CLIP4: variants seen among roughly 807,000 people sequenced by gnomAD.
The protein encoded by CLIP4 is CAP-Gly domain-containing linker protein 4.
CLIP4 carries 47 observed loss-of-function variants against 73.1 expected under a neutral mutation model. The ratio of observed to expected loss-of-function variants is 0.64; its 90% CI spans 0.51 to 0.82. The LOEUF is 0.82. CLIP4 is among the 40% of genes least tolerant of loss of function. The pLI is 0.00. For synonymous variants in CLIP4, 306 were observed against 295.4 expected (o/e 1.04, Z -0.37); for missense variants, 874 against 852.9 (o/e 1.02, Z -0.31).
chr2:29,127,070 A>G (rs1250230511), intron 2 of CLIP4, among the ~76,000 whole-genome samples: 1 of 152,136 alleles, frequency 6.6e-6, no homozygotes, highest in East Asian at 1.9e-4. Context: ...TCGCAAAATA[A>G]GTTTTGTCTC....
intron 1 of CLIP4, among the ~76,000 whole-genome samples, chr2:29,098,292 T>C (rs1191513114): frequency 6.6e-6 from 1 of 152,252 alleles, no homozygotes; most frequent in Non-Finnish European, 1.5e-5. Flanking sequence ...TTCACTTTTG[T>C]GTTTTACATT....
chr2:29,124,612 ATTTAT>A (rs1037719903), intron 2 of CLIP4, among the ~76,000 whole-genome samples: 7 of 32,568 alleles, frequency 2.1e-4, no homozygotes, highest in Admixed American at 4.8e-4. Flanking sequence ...TAACTCACTG[ATTTAT>A]TTTATATTTA....
At chr2:29,179,044 C>T (rs562718356) in intron 15 of CLIP4, among the ~76,000 whole-genome samples, 1 of 152,364 alleles carries the variant, frequency 6.6e-6, no homozygotes, top group East Asian at 1.9e-4. Flanking sequence ...ATCTGCCTGC[C>T]TCAGCCTCCC....
chr2:29,101,337 G>A (rs188799533), intron 1 of CLIP4, among the ~76,000 whole-genome samples: 14 of 148,552 alleles, frequency 9.4e-5, no homozygotes, highest in East Asian at 2.0e-4. Flanking sequence ...TAGGGAAGCC[G>A]ATAGTACAAT....
At chr2:29,142,228 T>C (rs1046001960) in intron 6 of CLIP4, among the ~76,000 whole-genome samples, 1 of 152,128 alleles carries the variant, frequency 6.6e-6, no homozygotes. Flanking sequence ...AAAGTGGAAT[T>C]CCACAATTGA....
At chr2:29,151,894 T>C (rs1666595729) in intron 8 of CLIP4, among the ~76,000 whole-genome samples, 1 of 152,146 alleles carries the variant, frequency 6.6e-6, no homozygotes, top group South Asian at 2.1e-4. Context: ...ATGGATAAAC[T>C]CCTTTTTGGT....
At chr2:29,139,196 GTTTTTTT>G in intron 6 of CLIP4, among the ~76,000 whole-genome samples, 1 of 147,902 alleles carries the variant, frequency 6.8e-6, no homozygotes, top group Non-Finnish European at 1.5e-5. Context: ...TTTGTTGAAG[GTTTTTTT>G]TTTTTATCAT....
At chr2:29,158,917 T>C (rs1217288995) in intron 11 of CLIP4, among the ~76,000 whole-genome samples, 1 of 152,170 alleles carries the variant, frequency 6.6e-6, no homozygotes, top group East Asian at 1.9e-4. Context: ...TTTACAGGCA[T>C]GAGCCATCAT....
intron 13 of CLIP4, among the ~76,000 whole-genome samples, chr2:29,164,733 A>G (rs574338282): frequency 1.3e-5 from 2 of 152,326 alleles, no homozygotes; most frequent in African/African-American, 2.4e-5. Flanking sequence ...TTCCCTTACA[A>G]CTAGACTGTT....
intron 1 of CLIP4, among the ~76,000 whole-genome samples, chr2:29,101,830 C>T (rs1404064212): frequency 6.6e-6 from 1 of 152,156 alleles, no homozygotes; most frequent in Non-Finnish European, 1.5e-5. Context: ...TATCTCAAGC[C>T]AGATACTCTG....
intron 1 of CLIP4, among the ~76,000 whole-genome samples, chr2:29,102,541 C>T (rs1372439008): frequency 1.3e-5 from 2 of 152,154 alleles, no homozygotes; most frequent in African/African-American, 4.8e-5. Context: ...TCACTGCGTT[C>T]AAAACATCAG....
At chr2:29,132,742 G>A (rs1009273253) in intron 4 of CLIP4, 2 of 152,882 alleles carry the variant, frequency 1.3e-5, no homozygotes, top group African/African-American at 4.8e-5. Context: ...TCAATAGTCT[G>A]ATGTGGTGGT....
At chr2:29,131,133 C>A in intron 2 of CLIP4, 125 bp from the exon 3 acceptor site, 1 of 956,818 alleles carries the variant, frequency 1.0e-6, no homozygotes, top group Non-Finnish European at 1.5e-6. Context: ...TATTTAGATA[C>A]TTCTGATTTT....
chr2:29,121,530 A>G lies in CLIP4; in HGVS notation c.133+9A>G. The G allele has an allele frequency of 6.2e-7, 1 of 1,612,382 alleles. No individual in the cohort carries two copies. The highest frequency in any genetic ancestry group is 1.3e-5 in the African/African-American group (1 of 74,978). On this transcript the variant is annotated intron_variant, in intron 2 of 15. Transcript: ENST00000320081. ...AATGCCTTCAGACTGTGGTATGTGA[A>G]GTAGCTGTGCTTATTTTCTGTGAAC...
intron 2 of CLIP4, among the ~76,000 whole-genome samples, chr2:29,128,190 T>G (rs1434704395): frequency 4.5e-5 from 6 of 132,006 alleles, no homozygotes; most frequent in East Asian, 2.1e-4. Context: ...TGTCTGTGTT[T>G]TTTTTTTTTT....
rs1573068396 is a variant in CLIP4, at chr2:29,183,489, A to G, written c.*1596A>G. 1 of 152,760 alleles carries G rather than the reference A, an allele frequency of 6.5e-6. No individual in the cohort carries two copies. Among genetic ancestry groups the G allele is most frequent in the Non-Finnish European group, 1.5e-5 (1 of 68,016 alleles). The allele number at this position is 152,760 out of a possible 1,614,324, so 9.5% of individuals were successfully genotyped here. ...CAAAAGTAAACTTATTTTATTATAC[A>G]GATTATTTCTTAAAAACTCTATTTA... On this transcript the variant is annotated 3_prime_UTR_variant, in exon 16 of 16. Transcript: ENST00000320081.
chr2:29,166,540 C>CAG (rs1667631966), intron 13 of CLIP4, among the ~76,000 whole-genome samples: 1 of 150,360 alleles, frequency 6.7e-6, no homozygotes, highest in African/African-American at 2.5e-5. Context: ...GACACACACA[C>CAG]ACACACACAC....
intron 2 of CLIP4, among the ~76,000 whole-genome samples, chr2:29,127,722 T>G (rs1664700085): frequency 6.6e-6 from 1 of 152,142 alleles, no homozygotes; most frequent in African/African-American, 2.4e-5. Context: ...AAACCTGCAC[T>G]TGTCAGAGTC....
intron 15 of CLIP4, among the ~76,000 whole-genome samples, chr2:29,175,848 G>A (rs977537344): frequency 1.1e-4 from 16 of 151,856 alleles, no homozygotes; most frequent in East Asian, 5.8e-4. Context: ...TGCAAGCTCC[G>A]CCTCCCGGGT....
Sources: gnomAD v4.1 joint callset for allele counts (sites outside exome capture counted in the v4.1 genomes callset) on GRCh38, gnomAD v4.1.1 for gene constraint, MANE v1.5 for transcripts, NCBI Gene and HGNC (gene_info 2026-07-23, HGNC 2026-07-21) for gene names.